The following MDM2 variants were observed in gnomAD, a reference collection of about 807,000 sequenced individuals.
MDM2 encodes E3 ubiquitin-protein ligase Mdm2.
A neutral mutation model predicts 64.3 loss-of-function variants in MDM2; 11 were observed. That is an observed-to-expected ratio of 0.17 (90% CI 0.11 to 0.28). The LOEUF (loss-of-function observed/expected upper bound fraction) is 0.28, where lower values mean the gene tolerates loss of function less well. Among genes scored for constraint, MDM2 ranks in the 10% least tolerant of loss-of-function variants. The pLI, the probability that MDM2 is intolerant of heterozygous loss-of-function variation, is 1.00. For synonymous variants in MDM2, 194 were observed against 192.9 expected (o/e 1.01, Z -0.05); for missense variants, 388 against 577.1 (o/e 0.67, Z 3.36).
chr12:68,818,350 ATAT>A (rs1205671089), intron 4 of MDM2, among the ~76,000 whole-genome samples: 3 of 151,834 alleles, frequency 2.0e-5, no homozygotes, highest in Non-Finnish European at 2.9e-5. Context: ...AACATAGTAT[ATAT>A]TATTATTGAA....
At chr12:68,837,651 C>T (rs939380999) in intron 10 of MDM2, among the ~76,000 whole-genome samples, 3 of 152,154 alleles carry the variant, frequency 2.0e-5, no homozygotes, top group African/African-American at 7.2e-5. Flanking sequence ...CCATCACACC[C>T]AGCCAAATGT....
At chr12:68,836,217 A>G (rs765629495) in intron 9 of MDM2, among the ~76,000 whole-genome samples, 1 of 152,154 alleles carries the variant, frequency 6.6e-6, no homozygotes, top group South Asian at 2.1e-4. Flanking sequence ...CTCAATGAAC[A>G]TGCTTATTAT....
At chr12:68,833,483 A>G (rs1180732534) in intron 8 of MDM2, among the ~76,000 whole-genome samples, 1 of 148,314 alleles carries the variant, frequency 6.7e-6, no homozygotes, top group Non-Finnish European at 1.5e-5. Context: ...TTTCTGGGGC[A>G]TTCTTTTGCG....
At chr12:68,816,437 A>G (rs898141851) in intron 3 of MDM2, among the ~76,000 whole-genome samples, 16 of 112,644 alleles carry the variant, frequency 1.4e-4, no homozygotes, top group African/African-American at 8.5e-4. Flanking sequence ...CAGTGGCGCA[A>G]TCTCGGCTCA....
At chr12:68,824,527 G>T in intron 6 of MDM2, 28 bp from the exon 7 acceptor site, 1 of 1,600,350 alleles carries the variant, frequency 6.2e-7, no homozygotes, top group Non-Finnish European at 8.5e-7. Context: ...TAAGTTTGTT[G>T]TATTTTATTT....
At chr12:68,829,050 T>C in intron 8 of MDM2, 119 bp downstream of exon 8, 2 of 1,013,548 alleles carry the variant, frequency 2.0e-6, no homozygotes, top group Non-Finnish European at 2.9e-6. Context: ...GAAAACACAG[T>C]GCTAAATTTT....
intron 10 of MDM2, among the ~76,000 whole-genome samples, chr12:68,838,329 G>C (rs1883472589): frequency 6.6e-6 from 1 of 152,164 alleles, no homozygotes; most frequent in African/African-American, 2.4e-5. Context: ...CTGGGGATGT[G>C]GGAGAGTTTG....
chr12:68,816,668 C>T (rs1881413720), intron 3 of MDM2, 144 bp from the exon 4 acceptor site: 5 of 717,508 alleles, frequency 7.0e-6, no homozygotes, highest in African/African-American at 1.9e-5. Context: ...AAAGTAGCTT[C>T]TAAGTACAAA....
At chr12:68,823,521 T>C (rs1015363803) in intron 5 of MDM2, among the ~76,000 whole-genome samples, 1 of 152,234 alleles carries the variant, frequency 6.6e-6, no homozygotes, top group African/African-American at 2.4e-5. Flanking sequence ...CCAGGTCTTG[T>C]TGGTTTTTAC....
chr12:68,830,549 G>GGA (rs3730615), intron 8 of MDM2, among the ~76,000 whole-genome samples: 2,786 of 152,146 alleles, frequency 0.018, 87 homozygotes, highest in African/African-American at 0.063. Flanking sequence ...GCCTTCATTG[G>GGA]GAGATAGATC....
At chr12:68,835,028 A>G (rs560024998) in intron 8 of MDM2, among the ~76,000 whole-genome samples, 8 of 152,322 alleles carry the variant, frequency 5.3e-5, no homozygotes, top group South Asian at 2.1e-4. Flanking sequence ...ATTAAAAAAC[A>G]TAAGTATCTA....
chr12:68,818,812 C>A (rs910593612), intron 4 of MDM2, among the ~76,000 whole-genome samples: 1 of 151,042 alleles, frequency 6.6e-6, no homozygotes, highest in African/African-American at 2.4e-5. Flanking sequence ...CAGGCTGCAA[C>A]CTCTGCCTCC....
At chr12:68,820,447 GT>G (rs2136129352) in intron 5 of MDM2, 73 bp downstream of exon 5, 1 of 1,107,908 alleles carries the variant, frequency 9.0e-7, no homozygotes, top group Non-Finnish European at 1.3e-6. Context: ...ATGTGCATAT[GT>G]TTTATAATTG....
At chr12:68,810,518 G>T (rs1223903435) in intron 2 of MDM2, among the ~76,000 whole-genome samples, 1 of 150,586 alleles carries the variant, frequency 6.6e-6, no homozygotes, top group Admixed American at 6.6e-5. Flanking sequence ...CTGGAGTGCA[G>T]TGGCACAATC....
rs1407417172 is a variant in MDM2 at position 68,824,626 on chromosome 12, TAGA to T, written c.501_503del (p.Arg169del). On this transcript the variant is annotated inframe_deletion, in exon 7 of 11. Coordinates refer to ENST00000258149, the MANE Select transcript of MDM2 (RefSeq NM_002392.6). ...TGGTTTCTAGACCATCTACCTCATC[TAGA>T]AGGAGAGCAATTAGTGAGACAGGTA... The T allele has an allele frequency of 6.2e-7, 1 of 1,610,322 alleles. No individual in the cohort carries two copies.
At chr12:68,834,414 C>T (rs3730632) in intron 8 of MDM2, among the ~76,000 whole-genome samples, 13,682 of 150,876 alleles carry the variant, frequency 0.091, 2,075 homozygotes, top group African/African-American at 0.32. Flanking sequence ...TGCATTTCAT[C>T]TTGGGTGACA....
chr12:68,836,561 G>T lies in MDM2; in HGVS notation c.841-111G>T, dbSNP rs563309568. 5.0e-6 allele frequency: 4 copies of T among 798,172 alleles called. No individual in the cohort carries two copies. In the Admixed American group the frequency reaches 5.4e-5, roughly 11 times the overall value. The allele number at this position is 798,172 out of a possible 1,614,324, so 49.4% of individuals were successfully genotyped here. The stretch of plus-strand genomic sequence containing the variant: ...CTTACTCTATTTGATATTGTCTAAG[G>T]CTTTCTCATATATTGTAGTACATGA... On this transcript the variant is annotated intron_variant, in intron 9 of 10. Transcript: ENST00000258149.
Position 68,824,745 on chromosome 12 carries a change from CT to C in MDM2, c.523+101del, listed in dbSNP as rs1229071324. On this transcript the variant is annotated intron_variant, in intron 7 of 10. Coordinates refer to ENST00000258149, the MANE Select transcript of MDM2 (RefSeq NM_002392.6). The stretch of plus-strand genomic sequence containing the variant: ...CTTTTAGACTTAATTAAATTGTTCC[CT>C]TTTTTTGGTTGAGATGAATTAACCT... 1.7e-4 allele frequency: 139 copies of C among 808,610 alleles called. 3 individuals are homozygous for C. The East Asian group carries it at 3.3e-3, about 19-fold the overall frequency. The allele number at this position is 808,610 out of a possible 1,614,324, so 50.1% of individuals were successfully genotyped here. A position where few individuals can be genotyped will look rare whatever the true frequency, so the allele number is the denominator to read the frequency against.
chr12:68,826,649 A>AC (rs1203927000), intron 7 of MDM2, among the ~76,000 whole-genome samples: 1 of 126,610 alleles, frequency 7.9e-6, no homozygotes, highest in East Asian at 2.1e-4. Flanking sequence ...ACTCCCTCTT[A>AC]AAAAAAAAAA....
Sources: gnomAD v4.1 joint callset for allele counts (sites outside exome capture counted in the v4.1 genomes callset) on GRCh38, gnomAD v4.1.1 for gene constraint, MANE v1.5 for transcripts, NCBI Gene and HGNC (gene_info 2026-07-23, HGNC 2026-07-21) for gene names.